ACYP2: variants seen among roughly 807,000 people sequenced by gnomAD.
The protein encoded by ACYP2 is acylphosphatase 2.
Under a neutral mutation model 11.2 loss-of-function variants are expected in ACYP2, and 12 were observed. The ratio of observed to expected loss-of-function variants is 1.08; its 90% CI spans 0.69 to 1.74. The LOEUF is 1.74. ACYP2 is among the 40% of genes most tolerant of loss of function. ACYP2 has a pLI of 0.00. For missense variants in ACYP2, 134 were observed against 101.9 expected, an observed-to-expected ratio of 1.31 and a Z score of -1.35; for synonymous variants, 43 against 32.2, an observed-to-expected ratio of 1.33 and a Z score of -1.13.
intron 6 of ACYP2, among the ~76,000 whole-genome samples, chr2:54,173,591 G>A (rs1024911631): frequency 2.0e-5 from 3 of 152,116 alleles, no homozygotes; most frequent in Admixed American, 1.3e-4. Context: ...TGCTTTTGGT[G>A]TTTTAGTCAT....
chr2:54,205,480 C>G lies in ACYP2; in HGVS notation c.404+66732C>G, dbSNP rs998113956. 5.3e-5 allele frequency among the ~76,000 whole-genome samples: 8 copies of G among 152,208 alleles called. No homozygotes were observed. The South Asian group carries it at 1.7e-3, about 32-fold the overall frequency. On this transcript the variant is annotated intron_variant, in intron 6 of 6. Transcript: ENST00000607452. ...ATCAGTATACATTCTCCTCTCCCCG[C>G]CTACTCCTATTATACATCTACCCTT...
chr2:54,298,908 T>G (rs556622289), intron 6 of ACYP2, among the ~76,000 whole-genome samples: 3 of 152,332 alleles, frequency 2.0e-5, no homozygotes, highest in African/African-American at 7.2e-5. Flanking sequence ...CACACCACCA[T>G]GCCCAGCTAC....
chr2:54,170,944 A>C (rs1224511594), intron 6 of ACYP2, among the ~76,000 whole-genome samples: 1 of 152,140 alleles, frequency 6.6e-6, no homozygotes, highest in East Asian at 1.9e-4. Context: ...CATCCAAGTC[A>C]ATCACAGGGA....
chr2:54,276,659 A>ACC (rs1177579736), intron 6 of ACYP2, among the ~76,000 whole-genome samples: 1 of 146,322 alleles, frequency 6.8e-6, no homozygotes, highest in African/African-American at 2.7e-5. Context: ...ACACACACAC[A>ACC]CACCACACAC....
intron 6 of ACYP2, among the ~76,000 whole-genome samples, chr2:54,302,360 G>A (rs1322329723): frequency 1.3e-5 from 2 of 152,118 alleles, no homozygotes; most frequent in East Asian, 3.9e-4. Flanking sequence ...TGGCCTGGTG[G>A]ATCCCTCTCT....
intron 6 of ACYP2, among the ~76,000 whole-genome samples, chr2:54,230,462 T>C (rs1239446249): frequency 1.3e-5 from 2 of 152,070 alleles, no homozygotes; most frequent in African/African-American, 2.4e-5. Context: ...GTTCAAGCAA[T>C]TCTCCTGCCT....
At chr2:54,132,305 C>T (rs1176334167) in intron 4 of ACYP2, among the ~76,000 whole-genome samples, 1 of 152,122 alleles carries the variant, frequency 6.6e-6, no homozygotes, top group Non-Finnish European at 1.5e-5. Flanking sequence ...CTAATGTCTT[C>T]CCCTCCATCT....
intron 6 of ACYP2, among the ~76,000 whole-genome samples, chr2:54,215,214 C>G (rs1343028561): frequency 6.6e-6 from 1 of 152,166 alleles, no homozygotes; most frequent in Non-Finnish European, 1.5e-5. Context: ...TTGACTTCCT[C>G]TCCTCCTGTT....
At chr2:53,983,274 G>A (rs1214873927) in intron 2 of ACYP2, among the ~76,000 whole-genome samples, 1 of 152,156 alleles carries the variant, frequency 6.6e-6, no homozygotes, top group Non-Finnish European at 1.5e-5. Context: ...GGTAGACCAA[G>A]GTAGGAGGAT....
At chr2:54,247,233 C>T (rs542558570) in intron 6 of ACYP2, among the ~76,000 whole-genome samples, 1 of 152,246 alleles carries the variant, frequency 6.6e-6, no homozygotes, top group South Asian at 2.1e-4. Flanking sequence ...TGGGACTTCA[C>T]GTGTATTGCT....
chr2:54,075,937 ATTAATCT>A (rs1417208739), intron 4 of ACYP2, among the ~76,000 whole-genome samples: 6 of 152,068 alleles, frequency 3.9e-5, no homozygotes, highest in Non-Finnish European at 5.9e-5. Context: ...TCTCTTTTTT[ATTAATCT>A]TTATATTTTA....
At chr2:54,013,705 A>G (rs1673521690) in intron 2 of ACYP2, among the ~76,000 whole-genome samples, 1 of 149,570 alleles carries the variant, frequency 6.7e-6, no homozygotes, top group East Asian at 2.0e-4. Flanking sequence ...CCAGACACAG[A>G]GAAGCACTAC....
chr2:54,291,590 G>A (rs1689307391), intron 6 of ACYP2, among the ~76,000 whole-genome samples: 1 of 152,184 alleles, frequency 6.6e-6, no homozygotes, highest in African/African-American at 2.4e-5. Context: ...ATGTGATTTA[G>A]TCATTATTAA....
chr2:54,109,185 T>C (rs1175325110), intron 4 of ACYP2, among the ~76,000 whole-genome samples: 1 of 152,196 alleles, frequency 6.6e-6, no homozygotes, highest in Non-Finnish European at 1.5e-5. Flanking sequence ...AAAGAAAATG[T>C]GGTATACATA....
At chr2:54,004,404 C>A (rs946973372) in intron 2 of ACYP2, among the ~76,000 whole-genome samples, 1 of 92,060 alleles carries the variant, frequency 1.1e-5, no homozygotes, top group African/African-American at 4.9e-5. Flanking sequence ...GTAGTTTAGC[C>A]TTTTTTTTTT....
chr2:54,267,415 A>G lies in ACYP2; in HGVS notation c.405-37273A>G. On this transcript the variant is annotated intron_variant, in intron 6 of 6. Transcript: ENST00000607452. The stretch of plus-strand genomic sequence containing the variant: ...AGAAGGGCTTATACATCCTAAAGTA[A>G]GGGGTGGGAACAGAAGGAGGGAGAA... The G allele has an allele frequency of 2.7e-6, 4 of 1,481,158 alleles. No individual in the cohort carries two copies. In the South Asian group the frequency reaches 5.4e-5, roughly 20 times the overall value. 91.8% of individuals were successfully genotyped at this position (1,481,158 alleles called of 1,614,324 possible).
chr2:54,056,557 G>A (rs947825243), intron 3 of ACYP2, among the ~76,000 whole-genome samples: 2 of 152,058 alleles, frequency 1.3e-5, no homozygotes, highest in African/African-American at 4.8e-5. Flanking sequence ...GAACCTCTTT[G>A]TATTCTTTAA....
At chr2:54,091,917 C>G (rs1385540759) in intron 4 of ACYP2, among the ~76,000 whole-genome samples, 1 of 152,008 alleles carries the variant, frequency 6.6e-6, no homozygotes, top group Non-Finnish European at 1.5e-5. Flanking sequence ...GGAGTACGAG[C>G]AAGACTGGAG....
chr2:53,992,901 A>C (rs960951075), intron 2 of ACYP2, among the ~76,000 whole-genome samples: 1 of 151,426 alleles, frequency 6.6e-6, no homozygotes, highest in African/African-American at 2.4e-5. Flanking sequence ...GAGAATACGC[A>C]TCAGAAAAAA....
Sources: gnomAD v4.1 joint callset for allele counts (sites outside exome capture counted in the v4.1 genomes callset) on GRCh38, gnomAD v4.1.1 for gene constraint, MANE v1.5 for transcripts, NCBI Gene and HGNC (gene_info 2026-07-23, HGNC 2026-07-21) for gene names.